The following CAMTA1 variants were observed in gnomAD, a reference collection of about 807,000 sequenced individuals.
The protein encoded by CAMTA1 is calmodulin binding transcription activator 1.
In CAMTA1, 27 loss-of-function variants were observed where a neutral mutation model predicts 170.9. That is an observed-to-expected ratio of 0.16 (90% CI 0.12 to 0.22). The LOEUF (loss-of-function observed/expected upper bound fraction) is 0.22, where lower values mean the gene tolerates loss of function less well. Among genes scored for constraint, CAMTA1 ranks in the 10% least tolerant of loss-of-function variants. The probability of loss-of-function intolerance (pLI) is 1.00; values close to 1 mark genes in which losing one functional copy is unlikely to be tolerated. For synonymous variants in CAMTA1, 833 were observed against 891.5 expected (o/e 0.93, Z 1.17); for missense variants, 1,619 against 2,217.2 (o/e 0.73, Z 5.42).
rs1258403609 is a variant in CAMTA1, at chr1:7,634,458, G to A, written c.511-5942G>A. 6.6e-6 allele frequency among the ~76,000 whole-genome samples: 1 copy of A among 152,090 alleles called. No individual in the cohort carries two copies. Among genetic ancestry groups the A allele is most frequent in the Non-Finnish European group, 1.5e-5 (1 of 68,018 alleles). ...GGGGATTTTGAGGCCTTCGAGGGGT[G>A]CCGTCAACAGGCAGGTAGGCAAGAG... On this transcript the variant is annotated intron_variant, in intron 6 of 22. Transcript: ENST00000303635. The surrounding 1 kb of genome is among the most constrained non-coding windows in gnomAD (Gnocchi z 6.2).
chr1:7,750,571 G>A (rs1463827256), intron 19 of CAMTA1, among the ~76,000 whole-genome samples: 2 of 152,242 alleles, frequency 1.3e-5, no homozygotes, highest in African/African-American at 4.8e-5. Flanking sequence ...AGGACTCCTG[G>A]CACTGCCTCC....
At chr1:7,334,137 A>C (rs1162953527) in intron 5 of CAMTA1, among the ~76,000 whole-genome samples, 3 of 152,246 alleles carry the variant, frequency 2.0e-5, no homozygotes, top group African/African-American at 7.2e-5. Flanking sequence ...AACACGTGTA[A>C]GAAGAATATT....
chr1:7,703,822 G>A (rs1248370244), intron 11 of CAMTA1, among the ~76,000 whole-genome samples: 1 of 152,222 alleles, frequency 6.6e-6, no homozygotes, highest in Non-Finnish European at 1.5e-5. Context: ...ATCCGCTCGG[G>A]ACGCCTGAGC....
chr1:7,165,001 G>C (rs978823538), intron 4 of CAMTA1, among the ~76,000 whole-genome samples: 1 of 152,186 alleles, frequency 6.6e-6, no homozygotes, highest in Non-Finnish European at 1.5e-5. Flanking sequence ...GTTTGGAAAA[G>C]CTTCTTAAAT....
intron 4 of CAMTA1, among the ~76,000 whole-genome samples, chr1:7,238,323 G>A (rs1664262251): frequency 2.0e-5 from 3 of 152,168 alleles, no homozygotes; most frequent in Admixed American, 2.0e-4. Context: ...GGATTTGAAT[G>A]TTGACTCTCA....
intron 5 of CAMTA1, among the ~76,000 whole-genome samples, chr1:7,284,775 G>T (rs144303887): frequency 6.6e-6 from 1 of 152,136 alleles, no homozygotes; most frequent in Admixed American, 6.5e-5. Context: ...CACTTTCCTC[G>T]CTTTACCTCC....
At chr1:7,176,541 T>G in intron 4 of CAMTA1, among the ~76,000 whole-genome samples, 1 of 152,162 alleles carries the variant, frequency 6.6e-6, no homozygotes, top group East Asian at 1.9e-4. Flanking sequence ...CAGCTGCTCT[T>G]TGAGTCTAGA....
chr1:6,863,694 G>C (rs2148919521), intron 3 of CAMTA1, among the ~76,000 whole-genome samples: 1 of 152,336 alleles, frequency 6.6e-6, no homozygotes, highest in Admixed American at 6.5e-5. Flanking sequence ...ATTAAGGAGA[G>C]TTCCTGTGCA....
At chr1:7,474,193 A>T (rs571075604) in intron 6 of CAMTA1, among the ~76,000 whole-genome samples, 1 of 127,592 alleles carries the variant, frequency 7.8e-6, no homozygotes, top group East Asian at 2.3e-4. Context: ...CAGTTAGCTC[A>T]TCCATAAAAT....
intron 5 of CAMTA1, among the ~76,000 whole-genome samples, chr1:7,351,975 G>C (rs980610156): frequency 1.3e-5 from 2 of 152,178 alleles, no homozygotes; most frequent in African/African-American, 4.8e-5. Context: ...CTTTTAATAT[G>C]CCTGCCATGA....
At chr1:7,359,349 A>G (rs1439532637) in intron 5 of CAMTA1, among the ~76,000 whole-genome samples, 1 of 152,112 alleles carries the variant, frequency 6.6e-6, no homozygotes, top group East Asian at 1.9e-4. Context: ...CAGTACAGAG[A>G]AGGCAATCGC....
chr1:6,858,542 A>G (rs1340168805), intron 3 of CAMTA1, among the ~76,000 whole-genome samples: 2 of 150,660 alleles, frequency 1.3e-5, no homozygotes, highest in African/African-American at 4.9e-5. Flanking sequence ...TTTAGCCGGC[A>G]TTATACTGGT....
chr1:6,789,079 T>C (rs1640263787), intron 1 of CAMTA1, among the ~76,000 whole-genome samples: 1 of 152,194 alleles, frequency 6.6e-6, no homozygotes, highest in Non-Finnish European at 1.5e-5. Flanking sequence ...TTGGAAACCT[T>C]ACTTATCCTG....
At chr1:7,125,698 G>A (rs1644890953) in intron 4 of CAMTA1, among the ~76,000 whole-genome samples, 1 of 152,134 alleles carries the variant, frequency 6.6e-6, no homozygotes, top group Non-Finnish European at 1.5e-5. Flanking sequence ...GGGGGCTGGC[G>A]GTTCAGCAGG....
At chr1:7,296,270 G>T (rs952759971) in intron 5 of CAMTA1, among the ~76,000 whole-genome samples, 3 of 152,198 alleles carry the variant, frequency 2.0e-5, no homozygotes, top group Admixed American at 2.0e-4. Flanking sequence ...GAGGCCCAGA[G>T]AGTTAAGTAT....
intron 7 of CAMTA1, among the ~76,000 whole-genome samples, chr1:7,643,810 G>A (rs555064646): frequency 1.4e-4 from 21 of 152,350 alleles, no homozygotes; most frequent in African/African-American, 4.3e-4. Context: ...AACACAGCCC[G>A]AGAAACAGCC....
At chr1:7,219,907 GCT>G (rs1660437892) in intron 4 of CAMTA1, among the ~76,000 whole-genome samples, 3 of 152,298 alleles carry the variant, frequency 2.0e-5, no homozygotes, top group Admixed American at 2.0e-4. Flanking sequence ...AGATACTAGA[GCT>G]CTCTCCCTGC....
At chr1:7,578,843 T>C (rs60513540) in intron 6 of CAMTA1, among the ~76,000 whole-genome samples, 16,147 of 152,238 alleles carry the variant, frequency 0.11, 2,701 homozygotes, top group African/African-American at 0.36. Context: ...GCACAGCCCT[T>C]GTGACCCAGT....
At chr1:7,569,235 C>CCATCATCAT (rs1186670932) in intron 6 of CAMTA1, among the ~76,000 whole-genome samples, 1 of 149,234 alleles carries the variant, frequency 6.7e-6, no homozygotes. Flanking sequence ...ATCATCATCA[C>CCATCATCAT]CATCATCATC....
Sources: gnomAD v4.1 joint callset for allele counts (sites outside exome capture counted in the v4.1 genomes callset) on GRCh38, gnomAD v4.1.1 for gene constraint, Gnocchi (gnomAD v3.1) non-coding constraint, MANE v1.5 for transcripts, NCBI Gene and HGNC (gene_info 2026-07-23, HGNC 2026-07-21) for gene names.